HEPHL1: variants seen among roughly 807,000 people sequenced by gnomAD.
The protein encoded by HEPHL1 is ferroxidase HEPHL1.
In HEPHL1, 123 loss-of-function variants were observed where a neutral mutation model predicts 122.0. That is an observed-to-expected ratio of 1.01 (90% CI 0.87 to 1.17). The LOEUF is 1.17. Among genes scored for constraint, HEPHL1 ranks in the 50% most tolerant of loss-of-function variants. HEPHL1 has a pLI of 0.00. For synonymous variants in HEPHL1, 527 were observed against 508.9 expected, an observed-to-expected ratio of 1.04 and a Z score of -0.48; for missense variants, 1,452 against 1,430.5, an observed-to-expected ratio of 1.01 and a Z score of -0.24.
intron 9 of HEPHL1, among the ~76,000 whole-genome samples, chr11:94,081,268 G>A (rs1946168186): frequency 6.6e-6 from 1 of 152,148 alleles, no homozygotes; most frequent in Non-Finnish European, 1.5e-5. Context: ...CACAGGGAGG[G>A]GAACAACACA....
At chr11:94,104,329 C>A (rs929320217) in intron 15 of HEPHL1, among the ~76,000 whole-genome samples, 199 bp from the exon 16 acceptor site, 1 of 152,082 alleles carries the variant, frequency 6.6e-6, no homozygotes, top group African/African-American at 2.4e-5. Flanking sequence ...CTGAAGACTT[C>A]TAGATACGGG....
At chr11:94,037,287 G>C (rs1268694209) in intron 1 of HEPHL1, among the ~76,000 whole-genome samples, 6 of 151,960 alleles carry the variant, frequency 3.9e-5, no homozygotes, top group African/African-American at 1.5e-4. Context: ...CAGCGAGGCT[G>C]GGGGAGGGGC....
At chr11:94,049,304 A>C (rs572806845) in intron 2 of HEPHL1, among the ~76,000 whole-genome samples, 45 of 98,446 alleles carry the variant, frequency 4.6e-4, no homozygotes, top group African/African-American at 1.9e-3. Context: ...TATTATCAAA[A>C]AGACAAAAAG....
In HEPHL1 at chr11:94,110,979, AC is replaced by A; in HGVS notation, c.3125del (p.Pro1042GlnfsTer28). On this transcript the variant is annotated frameshift_variant, in exon 18 of 20. Transcript: ENST00000315765. LOFTEE classifies it high-confidence loss of function. ...CAAACCATTGAACTGTTTGCAGATC[AC>A]CCAGGGACATGGCTGCTACACTGTC... ...TFQTIELFAD[H>X]PGTWLLHCHV... 1 of 1,612,464 alleles carries A rather than the reference AC, an allele frequency of 6.2e-7. No individual in the cohort carries two copies. The highest frequency in any genetic ancestry group is 8.5e-7 in the Non-Finnish European group (1 of 1,179,220).
Position 94,073,326 on chromosome 11 carries a change from A to G in HEPHL1, c.1391A>G (p.Glu464Gly), listed in dbSNP as rs1946093384. The stretch of plus-strand genomic sequence containing the variant: ...TTTTCAGGCCCAGTCATCAAGGCAG[A>G]GGTGGGTGATACCCTGTTAGTGACC... ...LGILGPVIKAEVGDTLLVTFA... is the reference protein window; with the variant it reads ...LGILGPVIKAGVGDTLLVTFA... Residue 464 changes from glutamate (E) to glycine (G), a missense_variant, in exon 8 of 20, where the codon GAG (glutamate) becomes GGG (glycine). Glu to Gly is a moderately conservative substitution (Grantham distance 98, BLOSUM62 -2). Coordinates refer to ENST00000315765, the MANE Select transcript of HEPHL1 (RefSeq NM_001098672.2). 6.2e-7 allele frequency: 1 copy of G among 1,609,562 alleles called. No individual in the cohort carries two copies. Among genetic ancestry groups the G allele is most frequent in the East Asian group, 2.2e-5 (1 of 44,792 alleles).
At position 94,113,428 on chromosome 11, in the gene HEPHL1, T is replaced by C. The variant is rs888942003; in HGVS notation, c.*1534T>C. On this transcript the variant is annotated 3_prime_UTR_variant, in exon 20 of 20. Coordinates refer to ENST00000315765, the MANE Select transcript of HEPHL1 (RefSeq NM_001098672.2). ...GGGTAATTGGATAGAAGCTATAGTCTTAACATAAAAGGGGATGCAAATGCT... is the reference window on the plus strand; with the variant it reads ...GGGTAATTGGATAGAAGCTATAGTCCTAACATAAAAGGGGATGCAAATGCT... 1 of 152,230 alleles carries C rather than the reference T, an allele frequency of 6.6e-6. No individual in the cohort carries two copies. The highest frequency in any genetic ancestry group is 1.5e-5 in the Non-Finnish European group (1 of 68,038). 9.4% of individuals were successfully genotyped at this position (152,230 alleles called of 1,614,324 possible).
chr11:94,042,620 C>T (rs1033359224), intron 1 of HEPHL1, among the ~76,000 whole-genome samples: 6 of 149,408 alleles, frequency 4.0e-5, no homozygotes, highest in Non-Finnish European at 7.4e-5. Flanking sequence ...TAAACTATCG[C>T]GAGAACAAAA....
At chr11:94,030,497 T>G (rs761402093) in intron 1 of HEPHL1, among the ~76,000 whole-genome samples, 2 of 152,098 alleles carry the variant, frequency 1.3e-5, no homozygotes, top group Admixed American at 6.6e-5. Context: ...ATTCCTAGGG[T>G]GTGACCCTCT....
chr11:94,045,569 C>A (rs1207933641), intron 1 of HEPHL1, 104 bp from the exon 2 acceptor site: 1 of 983,006 alleles, frequency 1.0e-6, no homozygotes, highest in African/African-American at 1.7e-5. Context: ...ATAGTGAACA[C>A]CAAATGAGAG....
At chr11:94,093,984 AT>A (rs1946285280) in intron 13 of HEPHL1, among the ~76,000 whole-genome samples, 2 of 80,464 alleles carry the variant, frequency 2.5e-5, no homozygotes, top group South Asian at 4.2e-4. Flanking sequence ...ATATATATAT[AT>A]ATATATATAT....
At chr11:94,085,282 C>T in intron 10 of HEPHL1, among the ~76,000 whole-genome samples, 1 of 152,184 alleles carries the variant, frequency 6.6e-6, no homozygotes, top group East Asian at 1.9e-4. Flanking sequence ...CAATTTGCCA[C>T]TCTGGAAGCA....
intron 2 of HEPHL1, among the ~76,000 whole-genome samples, chr11:94,054,514 G>C (rs1945919049): frequency 6.6e-6 from 1 of 152,330 alleles, no homozygotes; most frequent in South Asian, 2.1e-4. Context: ...GTAAGAGACA[G>C]ACCACTTTCT....
At chr11:94,051,303 C>G (rs747603238) in intron 2 of HEPHL1, among the ~76,000 whole-genome samples, 62 of 152,108 alleles carry the variant, frequency 4.1e-4, no homozygotes, top group Non-Finnish European at 7.6e-4. Flanking sequence ...TCCACATCCT[C>G]ACTAGCATTT....
chr11:94,068,780 C>T (rs10831164), intron 5 of HEPHL1, among the ~76,000 whole-genome samples: 37,969 of 152,060 alleles, frequency 0.25, 5,976 homozygotes, highest in Non-Finnish European at 0.35. Flanking sequence ...AACACCTAAA[C>T]GTCTGCCCTA....
Position 94,093,689 on chromosome 11 carries a change from G to A in HEPHL1, c.2434+49G>A, listed in dbSNP as rs758459802. ...CACTGTCAGCCCCAAGCATGTGCAT[G>A]CACACATACTCATGTGTTCTGTTAC... On this transcript the variant is annotated intron_variant, in intron 13 of 19. Coordinates refer to ENST00000315765, the MANE Select transcript of HEPHL1 (RefSeq NM_001098672.2). 2.5e-6 allele frequency: 4 copies of A among 1,583,824 alleles called. No individual in the cohort carries two copies. The Admixed American group carries it at 5.7e-5, about 23-fold the overall frequency.
In HEPHL1 at chr11:94,088,916, C is replaced by T. The variant is rs148794838; in HGVS notation, c.2242C>T (p.Pro748Ser). ...AAEEVEWDYA[P>S]NKNWEFEKQH... ...TGAAGAAGTAGAATGGGATTATGCCCCTAACAAAAACTGGGAGTTCGAAAA... is the reference window on the plus strand; with the variant it reads ...TGAAGAAGTAGAATGGGATTATGCCTCTAACAAAAACTGGGAGTTCGAAAA... The change falls in exon 12 of 20, where the codon CCT (proline) becomes TCT (serine). Residue 748 changes from proline to serine, a missense_variant. By Grantham distance (74) the Pro-to-Ser change is moderately conservative. Coordinates refer to ENST00000315765, the MANE Select transcript of HEPHL1 (RefSeq NM_001098672.2). 1.9e-6 allele frequency: 3 copies of T among 1,613,788 alleles called. No homozygotes were observed. The highest frequency in any genetic ancestry group is 2.5e-6 in the Non-Finnish European group (3 of 1,179,898).
At position 94,082,434 on chromosome 11, in the gene HEPHL1, A is replaced by G; in HGVS notation, c.1733A>G (p.Glu578Gly). 6.2e-7 allele frequency: 1 copy of G among 1,610,478 alleles called. No individual in the cohort carries two copies. The highest frequency in any genetic ancestry group is 8.5e-7 in the Non-Finnish European group (1 of 1,177,692). The change falls in exon 10 of 20, where the codon GAG (glutamate) becomes GGG (glycine). Residue 578 changes from glutamate to glycine, a missense_variant. Coordinates refer to ENST00000315765, the MANE Select transcript of HEPHL1 (RefSeq NM_001098672.2). ...ADGTQKGIDKEFYLLFTVFDE... is the reference protein window; with the variant it reads ...ADGTQKGIDKGFYLLFTVFDE... ...TCTCTGTAGAAAGGAATAGACAAGG[A>G]GTTTTACCTACTGTTCACAGTCTTT...
rs1946449756 is a variant in HEPHL1, at chr11:94,111,544, G to A, written c.3216G>A (p.Arg1072=). 6.2e-7 allele frequency: 1 copy of A among 1,600,374 alleles called. No homozygotes were observed. Among genetic ancestry groups the A allele is most frequent in the Non-Finnish European group, 8.5e-7 (1 of 1,172,950 alleles). ...TYTVLRNIDN[R]IPYSTTSPGV... is the part of the protein sequence containing the mutation. The stretch of plus-strand genomic sequence containing the variant: ...CTTGTTTTCTTTGTGCAGACAACAG[G>A]ATTCCTTACTCCACCACATCTCCTG... The change falls in exon 19 of 20, where the codon AGG becomes AGA. Residue 1072 remains arginine, a synonymous_variant. Coordinates refer to ENST00000315765, the MANE Select transcript of HEPHL1 (RefSeq NM_001098672.2).
intron 1 of HEPHL1, among the ~76,000 whole-genome samples, chr11:94,035,656 TA>T (rs1018569562): frequency 6.6e-6 from 1 of 152,192 alleles, no homozygotes; most frequent in Non-Finnish European, 1.5e-5. Flanking sequence ...TGCGGGGTGA[TA>T]GGGGCAGCCA....
Sources: allele counts gnomAD v4.1 joint callset (sites outside exome capture counted in the v4.1 genomes callset), GRCh38; gene constraint gnomAD v4.1.1; transcripts MANE v1.5; gene names NCBI Gene and HGNC (gene_info 2026-07-23, HGNC 2026-07-21).